The following LGSN variants were observed in gnomAD, a reference collection of about 807,000 sequenced individuals.
The protein encoded by LGSN is lengsin.
In LGSN, 21 loss-of-function variants were observed where a neutral mutation model predicts 19.5. The observed-to-expected ratio is 1.07, with a 90% confidence interval of 0.76 to 1.55. LGSN has a LOEUF of 1.55. Ranked by LOEUF, LGSN falls within the 40% of genes most tolerant of loss-of-function variation. LGSN has a pLI of 0.00. For missense variants in LGSN, 673 were observed against 608.5 expected (o/e 1.11, Z -1.12); for synonymous variants, 257 against 215.6 (o/e 1.19, Z -1.68).
intron 2 of LGSN, among the ~76,000 whole-genome samples, chr6:63,293,217 G>A (rs1256446441): frequency 2.6e-5 from 4 of 152,044 alleles, no homozygotes; most frequent in African/African-American, 4.8e-5. Flanking sequence ...GGCTGGTCTC[G>A]AATTCCAGGC....
chr6:63,401,695 T>C, the LGSN span, among the ~76,000 whole-genome samples: 2 of 152,070 alleles, frequency 1.3e-5, no homozygotes, highest in East Asian at 1.9e-4. Context: ...TAGGTGAAAA[T>C]TGTACCAAGT....
the LGSN span, among the ~76,000 whole-genome samples, chr6:63,479,856 T>C: frequency 6.6e-6 from 1 of 152,224 alleles, no homozygotes; most frequent in African/African-American, 2.4e-5. Context: ...AATCACCTAT[T>C]TCCTAATCAT....
At chr6:63,356,751 CA>C in the LGSN span, among the ~76,000 whole-genome samples, 2 of 152,048 alleles carry the variant, frequency 1.3e-5, no homozygotes, top group South Asian at 4.1e-4. Context: ...TGTTAAGTGC[CA>C]AAACTGCAAC....
chr6:63,422,339 C>T, the LGSN span, among the ~76,000 whole-genome samples: 1 of 152,126 alleles, frequency 6.6e-6, no homozygotes, highest in African/African-American at 2.4e-5. Context: ...GCTGGGATTA[C>T]AGATGTAAGC....
the LGSN span, among the ~76,000 whole-genome samples, chr6:63,334,192 G>C: frequency 6.6e-6 from 1 of 152,148 alleles, no homozygotes; most frequent in Non-Finnish European, 1.5e-5. Flanking sequence ...GTTCGCCTTT[G>C]CAGATGACAT....
At chr6:63,329,098 C>G in the LGSN span, among the ~76,000 whole-genome samples, 8 of 152,308 alleles carry the variant, frequency 5.3e-5, no homozygotes, top group South Asian at 4.1e-4. Context: ...CTAGAATAGC[C>G]TGCTGGCACG....
the LGSN span, among the ~76,000 whole-genome samples, chr6:63,398,882 C>T: frequency 1.3e-5 from 2 of 152,018 alleles, no homozygotes; most frequent in Admixed American, 1.3e-4. Flanking sequence ...AAAGTCACTG[C>T]AGCCTTGAAC....
At chr6:63,364,092 T>C in the LGSN span, among the ~76,000 whole-genome samples, 1 of 152,108 alleles carries the variant, frequency 6.6e-6, no homozygotes, top group East Asian at 1.9e-4. Flanking sequence ...TAACCTTAAA[T>C]GTAAATGGGC....
the LGSN span, among the ~76,000 whole-genome samples, chr6:63,504,567 C>A: frequency 0.54 from 81,393 of 151,868 alleles, 23,619 homozygotes; most frequent in African/African-American, 0.77. Context: ...CTCAGCCTCC[C>A]GAGTAGCTGG....
the LGSN span, among the ~76,000 whole-genome samples, chr6:63,361,500 C>T: frequency 3.9e-5 from 6 of 152,060 alleles, no homozygotes; most frequent in African/African-American, 4.8e-5. Flanking sequence ...CTAAGACCAT[C>T]GGAAAAGCGC....
At chr6:63,483,651 C>T in the LGSN span, among the ~76,000 whole-genome samples, 12 of 152,076 alleles carry the variant, frequency 7.9e-5, no homozygotes, top group Non-Finnish European at 2.9e-5. Context: ...TCTTCTAGAG[C>T]TGCCATGACA....
the LGSN span, among the ~76,000 whole-genome samples, chr6:63,424,514 C>G: frequency 6.8e-6 from 1 of 147,126 alleles, no homozygotes; most frequent in South Asian, 2.1e-4. Context: ...ACCAGACACA[C>G]ACACACACAC....
At chr6:63,386,757 T>C in the LGSN span, among the ~76,000 whole-genome samples, 1 of 152,178 alleles carries the variant, frequency 6.6e-6, no homozygotes, top group African/African-American at 2.4e-5. Context: ...ATATGGTTTC[T>C]GTAAGGGGAT....
At chr6:63,288,626 C>T (rs1767642725) in intron 2 of LGSN, among the ~76,000 whole-genome samples, 1 of 152,156 alleles carries the variant, frequency 6.6e-6, no homozygotes. Context: ...ATGACAAATG[C>T]CCCAGACAGG....
At chr6:63,427,045 CTTTTT>C in the LGSN span, among the ~76,000 whole-genome samples, 1 of 141,560 alleles carries the variant, frequency 7.1e-6, no homozygotes, top group South Asian at 2.2e-4. Context: ...AGACCTTTCC[CTTTTT>C]TTTTTTTTTT....
At chr6:63,477,736 G>C in the LGSN span, among the ~76,000 whole-genome samples, 2 of 91,872 alleles carry the variant, frequency 2.2e-5, no homozygotes, top group Non-Finnish European at 3.9e-5. Context: ...GTCTCACTCT[G>C]TTGGCCAGAC....
chr6:63,297,000 A>G (rs1374556379), intron 1 of LGSN, among the ~76,000 whole-genome samples: 2 of 147,600 alleles, frequency 1.4e-5, no homozygotes, highest in Non-Finnish European at 3.0e-5. Flanking sequence ...GTTTCTTAAG[A>G]AAAAAAAAAA....
chr6:63,406,031 T>A, the LGSN span, among the ~76,000 whole-genome samples: 1 of 152,136 alleles, frequency 6.6e-6, no homozygotes, highest in East Asian at 1.9e-4. Flanking sequence ...ATAAAGCAAG[T>A]CCTGAGTGAC....
the LGSN span, among the ~76,000 whole-genome samples, chr6:63,346,544 CA>C: frequency 1.4e-3 from 212 of 150,940 alleles, 2 homozygotes; most frequent in African/African-American, 4.5e-3. Flanking sequence ...AATAAACTGG[CA>C]AAAAAAAGTA....
Sources: allele counts gnomAD v4.1 joint callset (sites outside exome capture counted in the v4.1 genomes callset), GRCh38; gene constraint gnomAD v4.1.1; transcripts MANE v1.5; gene names NCBI Gene and HGNC (gene_info 2026-07-23, HGNC 2026-07-21).